The following DOCK1 variants were observed in gnomAD, a reference collection of about 807,000 sequenced individuals.
DOCK1 encodes dedicator of cytokinesis protein 1.
Under a neutral mutation model 262.7 loss-of-function variants are expected in DOCK1, and 138 were observed. The observed-to-expected ratio is 0.53, with a 90% confidence interval of 0.46 to 0.61. The LOEUF (loss-of-function observed/expected upper bound fraction) is 0.61, where lower values mean the gene tolerates loss of function less well. Ranked by LOEUF, DOCK1 falls within the 20% of genes least tolerant of loss-of-function variation. The pLI is 0.00. For synonymous variants in DOCK1, 866 were observed against 867.4 expected, an observed-to-expected ratio of 1.00 and a Z score of 0.03; for missense variants, 1,908 against 2,370.7, an observed-to-expected ratio of 0.80 and a Z score of 4.05.
intron 16 of DOCK1, chr10:127,026,646 TG>T (rs2042885277): frequency 3.5e-6 from 2 of 565,322 alleles, no homozygotes; most frequent in Admixed American, 3.5e-5. Flanking sequence ...CCAGTGTTGC[TG>T]GTCCCCTTCT....
chr10:127,188,380 T>C (rs768976953), intron 27 of DOCK1, among the ~76,000 whole-genome samples: 1 of 146,824 alleles, frequency 6.8e-6, no homozygotes, highest in Non-Finnish European at 1.5e-5. Context: ...ATATTCACAC[T>C]TTTTTTTATG....
intron 33 of DOCK1, among the ~76,000 whole-genome samples, chr10:127,369,750 C>T (rs1050954921): frequency 3.3e-5 from 5 of 152,172 alleles, no homozygotes; most frequent in Admixed American, 1.3e-4. Flanking sequence ...CCTTGCTTGA[C>T]GGACGTAGGA....
intron 27 of DOCK1, among the ~76,000 whole-genome samples, chr10:127,212,784 T>C (rs185741102): frequency 2.6e-5 from 4 of 151,428 alleles, no homozygotes; most frequent in Admixed American, 2.6e-4. Context: ...TTGTCAACAT[T>C]TTTTCATGTT....
At chr10:126,912,475 C>G (rs898790931) in intron 1 of DOCK1, among the ~76,000 whole-genome samples, 29 of 151,454 alleles carry the variant, frequency 1.9e-4, no homozygotes, top group Non-Finnish European at 3.5e-4. Context: ...GCCTGTAATC[C>G]TAGCACTTTG....
intron 29 of DOCK1, among the ~76,000 whole-genome samples, chr10:127,315,995 C>A (rs187112349): frequency 6.6e-6 from 1 of 151,964 alleles, no homozygotes; most frequent in Non-Finnish European, 1.5e-5. Context: ...CACTGCACCC[C>A]GCTGGGGACA....
At position 127,175,149 on chromosome 10, in the gene DOCK1, TA is replaced by T. The variant is rs1457674468; in HGVS notation, c.2847+47386del. 7.9e-6 allele frequency: 11 copies of T among 1,391,726 alleles called. No individual in the cohort carries two copies. Among genetic ancestry groups the T allele is most frequent in the African/African-American group, 1.4e-5 (1 of 69,658 alleles). 86.2% of individuals were successfully genotyped at this position (1,391,726 alleles called of 1,614,324 possible). A position where few individuals can be genotyped will look rare whatever the true frequency, so the allele number is the denominator to read the frequency against. On this transcript the variant is annotated intron_variant, in intron 27 of 51. Coordinates refer to ENST00000623213, the MANE Select transcript of DOCK1 (RefSeq NM_001290223.2). This position sits in a 1 kb window ranked among gnomAD's most constrained non-coding sequence, Gnocchi z 6.3. ...CTCATTACAGACTTGGGTTTGGGGC[TA>T]CAGATGGACTCTGTGGTGATCAGCC...
At chr10:127,450,110 ATTG>A (rs773705194) in intron 51 of DOCK1, among the ~76,000 whole-genome samples, 5 of 152,206 alleles carry the variant, frequency 3.3e-5, no homozygotes, top group Admixed American at 6.5e-5. Context: ...AAAAGACTTA[ATTG>A]TTGTTTTACC....
At chr10:127,349,465 C>T (rs993590961) in intron 31 of DOCK1, among the ~76,000 whole-genome samples, 7 of 152,128 alleles carry the variant, frequency 4.6e-5, no homozygotes, top group Admixed American at 1.3e-4. Context: ...CATCAAGTGG[C>T]GGTGGGGGTT....
At chr10:127,426,203 C>T (rs573650976) in intron 47 of DOCK1, among the ~76,000 whole-genome samples, 192 bp downstream of exon 47, 20 of 152,328 alleles carry the variant, frequency 1.3e-4, no homozygotes, top group African/African-American at 4.6e-4. Context: ...CTTTCAATAA[C>T]TGGAAATGTC....
intron 29 of DOCK1, among the ~76,000 whole-genome samples, chr10:127,279,852 A>G (rs1308430925): frequency 1.3e-5 from 2 of 151,884 alleles, no homozygotes; most frequent in Non-Finnish European, 2.9e-5. Flanking sequence ...TGTTTGTTTT[A>G]TTCCATCATC....
intron 40 of DOCK1, among the ~76,000 whole-genome samples, chr10:127,405,329 A>C (rs2067456962): frequency 6.6e-6 from 1 of 152,174 alleles, no homozygotes; most frequent in South Asian, 2.1e-4. Context: ...AAGTTACATA[A>C]ATATTAATAG....
intron 27 of DOCK1, among the ~76,000 whole-genome samples, chr10:127,172,668 TG>T (rs1212564588): frequency 6.6e-6 from 1 of 152,182 alleles, no homozygotes; most frequent in Non-Finnish European, 1.5e-5. Flanking sequence ...AGAGAGGAAG[TG>T]AATGTTCCCA....
At chr10:127,117,889 A>G (rs1009367123) in intron 25 of DOCK1, among the ~76,000 whole-genome samples, 2 of 152,308 alleles carry the variant, frequency 1.3e-5, no homozygotes, top group Admixed American at 1.3e-4. Context: ...GACAGTGGAA[A>G]GAGCCCCAGG....
At chr10:126,908,909 C>G (rs996084659) in intron 1 of DOCK1, among the ~76,000 whole-genome samples, 1 of 152,194 alleles carries the variant, frequency 6.6e-6, no homozygotes, top group African/African-American at 2.4e-5. Context: ...TCTAGAATCA[C>G]ACGTGAGGAC....
intron 49 of DOCK1, among the ~76,000 whole-genome samples, chr10:127,442,476 T>C (rs771898354): frequency 1.3e-5 from 2 of 152,154 alleles, no homozygotes; most frequent in Non-Finnish European, 2.9e-5. Context: ...TTGTAACTGC[T>C]CCTGTTCCCC....
Position 127,176,605 on chromosome 10 carries a change from T to C in DOCK1, c.2847+48841T>C, listed in dbSNP as rs575399763. On this transcript the variant is annotated intron_variant, in intron 27 of 51. Coordinates refer to ENST00000623213, the MANE Select transcript of DOCK1 (RefSeq NM_001290223.2). The surrounding 1 kb of genome is among the most constrained non-coding windows in gnomAD (Gnocchi z 4.4). ...GAAATGCTTCTCAGATATTAAAGCC[T>C]GCTTGCTTTTCCAGGTGGGATACAC... 6.6e-6 allele frequency among the ~76,000 whole-genome samples: 1 copy of C among 152,228 alleles called. No individual in the cohort carries two copies. The highest frequency in any genetic ancestry group is 1.9e-4 in the East Asian group (1 of 5,196).
At chr10:127,337,479 CT>C (rs939202136) in intron 29 of DOCK1, among the ~76,000 whole-genome samples, 145 of 151,398 alleles carry the variant, frequency 9.6e-4, no homozygotes, top group Middle Eastern at 3.4e-3. Context: ...CTGTATTCCG[CT>C]TTTTTTTTCT....
intron 38 of DOCK1, chr10:127,402,630 T>C (rs954565713): frequency 2.3e-5 from 12 of 514,552 alleles, no homozygotes; most frequent in Middle Eastern, 3.2e-4. Flanking sequence ...GTGGACAGCT[T>C]GGGAAAAGAG....
chr10:127,141,676 C>CAA (rs796870030), intron 27 of DOCK1, among the ~76,000 whole-genome samples: 4 of 139,912 alleles, frequency 2.9e-5, no homozygotes, highest in Admixed American at 7.1e-5. Flanking sequence ...GTCTTTAAAA[C>CAA]AAAAAAAAAA....
Sources: allele counts gnomAD v4.1 joint callset (sites outside exome capture counted in the v4.1 genomes callset), GRCh38; gene constraint gnomAD v4.1.1; non-coding constraint Gnocchi (gnomAD v3.1); transcripts MANE v1.5; gene names NCBI Gene and HGNC (gene_info 2026-07-23, HGNC 2026-07-21).